Variants in METTL3 observed in about 807,000 individuals in gnomAD.
The protein encoded by METTL3 is methyltransferase 3, N6-adenosine-methyltransferase complex catalytic subunit, also known as N(6)-adenosine-methyltransferase catalytic subunit METTL3.
In METTL3, 42 loss-of-function variants were observed where a neutral mutation model predicts 64.3. The observed-to-expected ratio is 0.65, with a 90% CI of 0.51 to 0.84. The LOEUF is 0.84. Ranked by LOEUF, METTL3 falls within the 40% of genes least tolerant of loss-of-function variation. The probability of loss-of-function intolerance (pLI) is 0.00; values close to 1 mark genes in which losing one functional copy is unlikely to be tolerated. For missense variants in METTL3, 435 were observed against 722.3 expected (o/e 0.60, Z 4.56); for synonymous variants, 256 against 263.6 (o/e 0.97, Z 0.28).
rs1244094557 is a variant in METTL3 at position 21,499,146 on chromosome 14, T to TAAA, written c.1519-12_1519-10dup. ...TGACTGGTGGAACGAACCTAGGAAA[T>TAAA]AAAAACTAGCTGCTTTTTAAGTTAC... On this transcript the variant is annotated splice_polypyrimidine_tract_variant and intron_variant, in intron 9 of 10. Coordinates refer to ENST00000298717, the MANE Select transcript of METTL3 (RefSeq NM_019852.5). 3 of 1,608,332 alleles carry TAAA rather than the reference T, an allele frequency of 1.9e-6. No individual in the cohort carries two copies. The highest frequency in any genetic ancestry group is 2.6e-6 in the Non-Finnish European group (3 of 1,174,854).
Position 21,511,253 on chromosome 14 carries a change from A to G in METTL3, c.-30T>C. The G allele has an allele frequency of 1.9e-6, 3 of 1,605,426 alleles. No homozygotes were observed. The highest frequency in any genetic ancestry group is 2.6e-6 in the Non-Finnish European group (3 of 1,176,144). ...GTCTCCCAGCCCTGACACCTCTCGA[A>G]TAAGGCGCGGCGGACTAGCACCTCC... On this transcript the variant is annotated 5_prime_UTR_variant, in exon 1 of 11. Coordinates refer to ENST00000298717, the MANE Select transcript of METTL3 (RefSeq NM_019852.5).
At chr14:21,501,546 G>T in intron 4 of METTL3, 182 bp downstream of exon 4, 1 of 737,666 alleles carries the variant, frequency 1.4e-6, no homozygotes, top group Non-Finnish European at 2.2e-6. Context: ...TTATTTGGGA[G>T]TACAGCCTGT....
In METTL3 at chr14:21,500,898, T is replaced by G. The variant is rs545155498; in HGVS notation, c.1116+15A>C. The G allele has an allele frequency of 1.2e-6, 2 of 1,607,916 alleles. No homozygotes were observed. The highest frequency in any genetic ancestry group is 2.2e-5 in the South Asian group (2 of 90,640). On this transcript the variant is annotated intron_variant, in intron 5 of 10. Coordinates refer to ENST00000298717, the MANE Select transcript of METTL3 (RefSeq NM_019852.5). ...AGTCCGTAAGTTGAGACGAGTTTTC[T>G]GAGCAGACAGGTACCTGAGGTGGGA... is the stretch of plus-strand genomic sequence containing the variant.
Position 21,505,410 on chromosome 14 carries a change from A to G in METTL3, c.101-1529T>C, listed in dbSNP as rs566424009. ...TCTCATTGGTAATCTGACTGATTTAATACTGCTCATTCCAATATCTGGTGA... is the reference window on the plus strand; with the variant it reads ...TCTCATTGGTAATCTGACTGATTTAGTACTGCTCATTCCAATATCTGGTGA... On this transcript the variant is annotated intron_variant, in intron 1 of 10. Transcript: ENST00000298717. 2.7e-3 allele frequency among the ~76,000 whole-genome samples: 409 copies of G among 152,368 alleles called. 3 individuals carry two copies. Among genetic ancestry groups the G allele is most frequent in the African/African-American group, 7.7e-3 (322 of 41,580 alleles).
intron 1 of METTL3, chr14:21,510,873 G>T: frequency 2.1e-6 from 1 of 476,338 alleles, no homozygotes; most frequent in Non-Finnish European, 3.8e-6. Context: ...TGGGCAAGGC[G>T]GACGAGGGTG....
Position 21,503,645 on chromosome 14 carries a change from A to G in METTL3, c.318+19T>C. On this transcript the variant is annotated intron_variant, in intron 2 of 10. Transcript: ENST00000298717. ...GAACTGAAAATAAGTGGTAAATCCTAACTCTGTCAGGTCATTACCGTGGAG... is the reference window on the plus strand; with the variant it reads ...GAACTGAAAATAAGTGGTAAATCCTGACTCTGTCAGGTCATTACCGTGGAG... 1 of 1,614,112 alleles carries G rather than the reference A, an allele frequency of 6.2e-7. No individual in the cohort carries two copies. Among genetic ancestry groups the G allele is most frequent in the Non-Finnish European group, 8.5e-7 (1 of 1,179,914 alleles).
intron 1 of METTL3, chr14:21,509,338 T>C (rs1566497204): frequency 6.6e-6 from 1 of 152,132 alleles, no homozygotes; most frequent in African/African-American, 2.4e-5. Flanking sequence ...AGACCCTGTC[T>C]CTAACTAACT....
Position 21,501,823 on chromosome 14 carries a change from A to C in METTL3, c.804T>G (p.Gly268=). 1 of 1,614,020 alleles carries C rather than the reference A, an allele frequency of 6.2e-7. No individual in the cohort carries two copies. The highest frequency in any genetic ancestry group is 8.5e-7 in the Non-Finnish European group (1 of 1,179,996). The change falls in exon 4 of 11, where the codon GGT becomes GGG. Residue 268 remains glycine, a synonymous_variant. Transcript: ENST00000298717. ...CACAGAATTCTTGCACTTGGGCCCG[A>C]CCTCGAGAGCGAAATTTTTCAACAA... ...QSIVEKFRSR[G]RAQVQEFCDY...
At chr14:21,501,576 C>G in intron 4 of METTL3, 152 bp downstream of exon 4, 2 of 949,994 alleles carry the variant, frequency 2.1e-6, no homozygotes, top group Non-Finnish European at 3.1e-6. Context: ...ACACAATGCA[C>G]TTCTGAAAGT....
intron 1 of METTL3, chr14:21,510,614 C>G (rs1313706706): frequency 6.6e-6 from 1 of 152,320 alleles, no homozygotes; most frequent in African/African-American, 2.4e-5. Context: ...AAGTCAATGC[C>G]GGTAGGGGTA....
At position 21,511,272 on chromosome 14, in the gene METTL3, C is replaced by T; in HGVS notation, c.-49G>A. 2 of 1,580,856 alleles carry T rather than the reference C, an allele frequency of 1.3e-6. No individual in the cohort carries two copies. The highest frequency in any genetic ancestry group is 3.3e-4 in the Middle Eastern group (2 of 5,996). ...TCTCGAATAAGGCGCGGCGGACTAG[C>T]ACCTCCCAGCACTCGCTCCAGGATA... On this transcript the variant is annotated 5_prime_UTR_variant, in exon 1 of 11. Coordinates refer to ENST00000298717, the MANE Select transcript of METTL3 (RefSeq NM_019852.5).
chr14:21,505,223 T>G (rs1464740555), intron 1 of METTL3, among the ~76,000 whole-genome samples: 1 of 152,200 alleles, frequency 6.6e-6, no homozygotes, highest in African/African-American at 2.4e-5. Flanking sequence ...GTGGGAGGAT[T>G]CCACTCTCAC....
At chr14:21,500,059 C>A (rs143074013) in intron 6 of METTL3, among the ~76,000 whole-genome samples, 3 of 152,166 alleles carry the variant, frequency 2.0e-5, no homozygotes, top group African/African-American at 7.2e-5. Flanking sequence ...GGCATTAGGA[C>A]TCAGTAGAAA....
Position 21,500,520 on chromosome 14 carries a change from A to C in METTL3, c.1279T>G (p.Phe427Val), listed in dbSNP as rs988889819. Residue 427 changes from phenylalanine to valine, a missense_variant, in exon 6 of 11, where the codon TTT (phenylalanine) becomes GTT (valine). Coordinates refer to ENST00000298717, the MANE Select transcript of METTL3 (RefSeq NM_019852.5). ...LNIPVLQDDG[F>V]LFLWVTGRAM... ...CTGCCTGTGACCCAGAGGAAGAGAAAGCCATCATCCTGTAGTACGGGTATG... is the reference window on the plus strand; with the variant it reads ...CTGCCTGTGACCCAGAGGAAGAGAACGCCATCATCCTGTAGTACGGGTATG... The C allele has an allele frequency of 6.2e-7, 1 of 1,614,010 alleles. No homozygotes were observed. The highest frequency in any genetic ancestry group is 1.3e-5 in the African/African-American group (1 of 74,868).
At chr14:21,506,539 G>C (rs1891701794) in intron 1 of METTL3, among the ~76,000 whole-genome samples, 1 of 152,068 alleles carries the variant, frequency 6.6e-6, no homozygotes, top group South Asian at 2.1e-4. Flanking sequence ...GGGTGACAGA[G>C]CGAGACTCCG....
At chr14:21,501,998 A>G (rs1891580131) in intron 3 of METTL3, 95 bp from the exon 4 acceptor site, 4 of 942,832 alleles carry the variant, frequency 4.2e-6, no homozygotes, top group Non-Finnish European at 6.3e-6. Context: ...AATGTCTTCT[A>G]AGAGATAAAT....
intron 1 of METTL3, chr14:21,510,683 A>G (rs1027386149): frequency 6.1e-6 from 1 of 163,152 alleles, no homozygotes; most frequent in Non-Finnish European, 1.3e-5. Context: ...CACTGCGGAT[A>G]TAAAGGTTCA....
intron 1 of METTL3, among the ~76,000 whole-genome samples, chr14:21,506,083 C>T (rs1420660215): frequency 6.6e-6 from 1 of 151,780 alleles, no homozygotes; most frequent in Non-Finnish European, 1.5e-5. Context: ...GAGTCTTGCT[C>T]TGTTGCCAAG....
chr14:21,501,375 G>A lies in METTL3; in HGVS notation c.900-246C>T, dbSNP rs536865315. The A allele has an allele frequency of 2.8e-5, 16 of 562,448 alleles. No homozygotes were observed. In the East Asian group the frequency reaches 4.0e-4, roughly 14 times the overall value. The allele number at this position is 562,448 out of a possible 1,614,324, so 34.8% of individuals were successfully genotyped here. On this transcript the variant is annotated intron_variant, in intron 4 of 10. Coordinates refer to ENST00000298717, the MANE Select transcript of METTL3 (RefSeq NM_019852.5). ...TACCACTGGAAGGCAAGCAGTGCAG[G>A]AGACTTGGGTAGAACAGAATAAAAC...
Sources: gnomAD v4.1 joint callset for allele counts (sites outside exome capture counted in the v4.1 genomes callset) on GRCh38, gnomAD v4.1.1 for gene constraint, MANE v1.5 for transcripts, NCBI Gene and HGNC (gene_info 2026-07-23, HGNC 2026-07-21) for gene names.